The following ZNF431 variants were observed in gnomAD, a reference collection of about 807,000 sequenced individuals.
ZNF431 encodes the protein zinc finger protein 431.
Under a neutral mutation model 57.0 loss-of-function variants are expected in ZNF431, and 34 were observed. The ratio of observed to expected loss-of-function variants is 0.60; its 90% CI spans 0.45 to 0.79. The LOEUF (loss-of-function observed/expected upper bound fraction) is 0.79, where lower values mean the gene tolerates loss of function less well. Ranked by LOEUF, ZNF431 falls within the 30% of genes least tolerant of loss-of-function variation. ZNF431 has a pLI of 0.00. For synonymous variants in ZNF431, 207 were observed against 220.3 expected, an observed-to-expected ratio of 0.94 and a Z score of 0.54; for missense variants, 607 against 667.1, an observed-to-expected ratio of 0.91 and a Z score of 0.99.
chr19:21,160,425 C>A (rs911127676), intron 2 of ZNF431, among the ~76,000 whole-genome samples: 2 of 152,168 alleles, frequency 1.3e-5, no homozygotes, highest in African/African-American at 4.8e-5. Context: ...CACAACTATA[C>A]CTACGTGTAA....
rs929237936 is a variant in ZNF431, at chr19:21,184,144, G to A, written c.*110G>A. On this transcript the variant is annotated 3_prime_UTR_variant, in exon 5 of 5. Coordinates refer to ENST00000311048, the MANE Select transcript of ZNF431 (RefSeq NM_133473.4). ...AGGTGGGTGGATCACAAGGTCAAGAGATCGAGACCATCCTGGCCAACATGG... is the reference window on the plus strand; with the variant it reads ...AGGTGGGTGGATCACAAGGTCAAGAAATCGAGACCATCCTGGCCAACATGG... The A allele has an allele frequency of 2.2e-6, 2 of 921,058 alleles. No individual in the cohort carries two copies. The highest frequency in any genetic ancestry group is 2.6e-5 in the East Asian group (1 of 37,788). 57.1% of individuals were successfully genotyped at this position (921,058 alleles called of 1,614,324 possible).
chr19:21,160,983 C>A (rs1023166916), intron 2 of ZNF431, among the ~76,000 whole-genome samples: 2 of 152,076 alleles, frequency 1.3e-5, no homozygotes, highest in African/African-American at 4.8e-5. Context: ...TCCTGGCCAA[C>A]ATGGTGAAAC....
At chr19:21,149,748 C>T (rs949979092) in intron 2 of ZNF431, 12 of 622,110 alleles carry the variant, frequency 1.9e-5, no homozygotes, top group South Asian at 2.9e-5. Flanking sequence ...CCAGTGATGG[C>T]GGATCTCATC....
At chr19:21,169,335 T>C (rs931326169) in intron 4 of ZNF431, among the ~76,000 whole-genome samples, 13 of 152,238 alleles carry the variant, frequency 8.5e-5, no homozygotes, top group Non-Finnish European at 1.8e-4. Flanking sequence ...TGTTCTTGAC[T>C]AATTCTTGTG....
intron 2 of ZNF431, among the ~76,000 whole-genome samples, chr19:21,160,078 A>G (rs1041287318): frequency 6.6e-6 from 1 of 151,710 alleles, no homozygotes; most frequent in Admixed American, 6.6e-5. Flanking sequence ...TACTTGATGT[A>G]ACACCCAAGG....
intron 2 of ZNF431, among the ~76,000 whole-genome samples, chr19:21,147,822 T>C (rs941865315): frequency 6.6e-6 from 1 of 152,142 alleles, no homozygotes; most frequent in Non-Finnish European, 1.5e-5. Flanking sequence ...GAGTTTCCCT[T>C]AATTTTGGAA....
chr19:21,171,720 T>A (rs879901079), intron 4 of ZNF431, among the ~76,000 whole-genome samples: 62,294 of 113,104 alleles, frequency 0.55, 17,837 homozygotes, highest in Middle Eastern at 0.81. Flanking sequence ...ATATTTTTTT[T>A]TTTTTTTTTT....
rs1270406635 is a variant in ZNF431 at position 21,142,300 on chromosome 19, C to T, written c.3+114C>T. On this transcript the variant is annotated intron_variant, in intron 1 of 4. Transcript: ENST00000311048. ...GCAGTCAGCTCCACAGTCTGCGCCCCGAGTTCTCCTTGCCCAGCTCGGCCT... is the reference window on the plus strand; with the variant it reads ...GCAGTCAGCTCCACAGTCTGCGCCCTGAGTTCTCCTTGCCCAGCTCGGCCT... 6.2e-6 allele frequency: 9 copies of T among 1,453,230 alleles called. No individual in the cohort carries two copies. In the Admixed American group the frequency reaches 6.7e-5, roughly 11 times the overall value. The allele number at this position is 1,453,230 out of a possible 1,614,324, so 90.0% of individuals were successfully genotyped here.
intron 2 of ZNF431, among the ~76,000 whole-genome samples, chr19:21,164,120 C>G (rs1029314009): frequency 6.6e-6 from 1 of 151,544 alleles, no homozygotes; most frequent in African/African-American, 2.4e-5. Context: ...TTACTTGTGC[C>G]CTTTCCACAG....
chr19:21,178,134 G>T (rs1038014480), intron 4 of ZNF431, among the ~76,000 whole-genome samples: 2 of 152,070 alleles, frequency 1.3e-5, no homozygotes, highest in Non-Finnish European at 2.9e-5. Context: ...TATTGTTGGT[G>T]TATTGAAATG....
intron 2 of ZNF431, among the ~76,000 whole-genome samples, chr19:21,161,202 T>C (rs1018032713): frequency 1.3e-5 from 2 of 151,932 alleles, no homozygotes; most frequent in African/African-American, 4.8e-5. Flanking sequence ...AAAGCAGTCA[T>C]GATCCCTACC....
At chr19:21,169,874 A>G in intron 4 of ZNF431, 1 of 398,644 alleles carries the variant, frequency 2.5e-6, no homozygotes, top group Non-Finnish European at 4.4e-6. Flanking sequence ...GACCACAGTA[A>G]AAACCAAGGT....
intron 2 of ZNF431, among the ~76,000 whole-genome samples, chr19:21,161,022 G>T (rs1026540035): frequency 1.3e-5 from 2 of 152,096 alleles, no homozygotes; most frequent in Non-Finnish European, 2.9e-5. Context: ...ACAAAAATTA[G>T]CTGGGCTTGG....
rs933115279 is a variant in ZNF431, at chr19:21,190,564, T to G, written c.*6530T>G. 7.2e-5 allele frequency: 11 copies of G among 152,166 alleles called. No homozygotes were observed. The highest frequency in any genetic ancestry group is 2.7e-4 in the African/African-American group (11 of 41,446). 9.4% of individuals were successfully genotyped at this position (152,166 alleles called of 1,614,324 possible). Reference sequence around the variant, plus strand: ...ATATAGGGATTTTTTTTTTGGCTTGTCTTTTTGTGATAATAGTCAACATTG... The same window carrying G: ...ATATAGGGATTTTTTTTTTGGCTTGGCTTTTTGTGATAATAGTCAACATTG... On this transcript the variant is annotated 3_prime_UTR_variant, in exon 5 of 5. Coordinates refer to ENST00000311048, the MANE Select transcript of ZNF431 (RefSeq NM_133473.4).
rs566023616 is a variant in ZNF431 at position 21,180,634 on chromosome 19, A to G, written c.320-1989A>G. Among the ~76,000 whole-genome samples, 152 of 152,290 alleles carry G rather than the reference A, an allele frequency of 1.0e-3. 1 individual carries two copies. The highest frequency in any genetic ancestry group is 3.4e-3 in the Middle Eastern group (1 of 294). ...ATATAAAACCTCTAAAAGATACAAC[A>G]ATGTATTTTAATCTGGTAAAAAATG... On this transcript the variant is annotated intron_variant, in intron 4 of 4. Transcript: ENST00000311048.
At chr19:21,160,374 G>T (rs1970538618) in intron 2 of ZNF431, among the ~76,000 whole-genome samples, 1 of 152,190 alleles carries the variant, frequency 6.6e-6, no homozygotes, top group Admixed American at 6.5e-5. Context: ...CATCTTAAGA[G>T]TGAGAGATCA....
Position 21,142,094 on chromosome 19 carries a change from G to A in ZNF431, c.-90G>A, listed in dbSNP as rs1399398637. ...TCCCCTTCGCTGCTCTGTGTCCTCT[G>A]CTCCTAGAGGCCCAACATCTGTGGC... is the stretch of plus-strand genomic sequence containing the variant. On this transcript the variant is annotated 5_prime_UTR_variant, in exon 1 of 5. Coordinates refer to ENST00000311048, the MANE Select transcript of ZNF431 (RefSeq NM_133473.4). 4.5e-6 allele frequency: 7 copies of A among 1,559,194 alleles called. No homozygotes were observed. The highest frequency in any genetic ancestry group is 3.4e-5 in the Admixed American group (2 of 59,464).
At chr19:21,149,611 A>T in intron 2 of ZNF431, 1 of 242,946 alleles carries the variant, frequency 4.1e-6, no homozygotes, top group Non-Finnish European at 8.1e-6. Flanking sequence ...GTATTATTTT[A>T]ATTATTTTTA....
chr19:21,160,012 TA>T (rs1406697864), intron 2 of ZNF431, among the ~76,000 whole-genome samples: 1 of 150,534 alleles, frequency 6.6e-6, no homozygotes, highest in African/African-American at 2.5e-5. Flanking sequence ...GTAGACATAT[TA>T]CTTAGAGTAT....
Sources: gnomAD v4.1 joint callset for allele counts (sites outside exome capture counted in the v4.1 genomes callset) on GRCh38, gnomAD v4.1.1 for gene constraint, MANE v1.5 for transcripts, NCBI Gene and HGNC (gene_info 2026-07-23, HGNC 2026-07-21) for gene names.